The following EGFR variants were observed in gnomAD, a reference collection of about 807,000 sequenced individuals.
The protein encoded by EGFR is epidermal growth factor receptor, also known as avian erythroblastic leukemia viral (v-erb-b) oncogene homolog.
In EGFR, 58 loss-of-function variants were observed where a neutral mutation model predicts 143.0. The ratio of observed to expected loss-of-function variants is 0.41; its 90% CI spans 0.33 to 0.50. EGFR has a LOEUF of 0.50. Ranked by LOEUF, EGFR falls within the 20% of genes least tolerant of loss-of-function variation. EGFR has a pLI of 0.39. For synonymous variants in EGFR, 613 were observed against 594.4 expected (o/e 1.03, Z -0.45); for missense variants, 1,307 against 1,579.0 (o/e 0.83, Z 2.92).
intron 7 of EGFR, among the ~76,000 whole-genome samples, chr7:55,155,563 C>T (rs771011292): frequency 1.2e-4 from 18 of 152,192 alleles, no homozygotes; most frequent in Non-Finnish European, 1.9e-4. Flanking sequence ...CCTGCTGGGA[C>T]GCAAAACAGC....
At chr7:55,099,835 AAAAG>A (rs929466686) in intron 1 of EGFR, among the ~76,000 whole-genome samples, 3 of 152,204 alleles carry the variant, frequency 2.0e-5, no homozygotes, top group African/African-American at 7.2e-5. Flanking sequence ...TAAAAAAAAA[AAAAG>A]AAAGGGGCCC....
chr7:55,071,372 G>C (rs934766844), intron 1 of EGFR, among the ~76,000 whole-genome samples: 2 of 152,238 alleles, frequency 1.3e-5, no homozygotes, highest in African/African-American at 2.4e-5. Flanking sequence ...TTTGCCTTCT[G>C]TTATATAAAA....
chr7:55,104,790 C>A (rs1351096543), intron 1 of EGFR, among the ~76,000 whole-genome samples: 1 of 152,206 alleles, frequency 6.6e-6, no homozygotes, highest in Non-Finnish European at 1.5e-5. Flanking sequence ...ATTCATGTTA[C>A]TGCCCCACAT....
intron 1 of EGFR, among the ~76,000 whole-genome samples, chr7:55,076,737 A>G (rs17172434): frequency 0.09 from 13,679 of 152,194 alleles, 837 homozygotes; most frequent in South Asian, 0.16. Context: ...TTAGTAGAGC[A>G]CATGGTTCAT....
intron 1 of EGFR, among the ~76,000 whole-genome samples, chr7:55,111,150 G>A (rs556687371): frequency 2.6e-5 from 4 of 152,270 alleles, no homozygotes; most frequent in Non-Finnish European, 4.4e-5. Context: ...TTCGGGTATC[G>A]CGCGGTGTGT....
At chr7:55,184,775 G>A (rs1434953364) in intron 20 of EGFR, among the ~76,000 whole-genome samples, 2 of 152,206 alleles carry the variant, frequency 1.3e-5, no homozygotes, top group East Asian at 3.8e-4. Flanking sequence ...TCATTCCTCT[G>A]TATTTGAATA....
rs374501041 is a variant in EGFR, at chr7:55,202,557, G to A, written c.3203G>A (p.Arg1068Gln). 7 of 1,613,082 alleles carry A rather than the reference G, an allele frequency of 4.3e-6. No homozygotes were observed. The highest frequency in any genetic ancestry group is 1.7e-5 in the Admixed American group (1 of 59,962). ...CPIKEDSFLQ[R>Q]YSSDPTGALT... is the part of the protein sequence containing the mutation. ...ATCAAGGAAGACAGCTTCTTGCAGC[G>A]ATACAGCTCAGACCCCACAGGCGCC... Residue 1068 changes from arginine to glutamine, a missense_variant, in exon 27 of 28, where the codon CGA becomes CAA. Around this residue, in one of 7 missense-constraint regions of EGFR, gnomAD observed 313 missense variants for 312.3 expected, o/e 1.00. Coordinates refer to ENST00000275493, the MANE Select transcript of EGFR (RefSeq NM_005228.5).
Position 55,200,334 on chromosome 7 carries a change from A to T in EGFR, c.2867A>T (p.Asp956Val), listed in dbSNP as rs1185470008. ...IMVKCWMIDA[D>V]SRPKFRELII... ...TCCCCAGGCTGGATGATAGACGCAG[A>T]TAGTCGCCCAAAGTTCCGTGAGTTG... Residue 956 changes from aspartate to valine, a missense_variant, in exon 24 of 28, where the codon GAT becomes GTT. Physicochemically the swap from Asp to Val is radical, Grantham distance 152 (BLOSUM62 -3). Coordinates refer to ENST00000275493, the MANE Select transcript of EGFR (RefSeq NM_005228.5). The T allele has an allele frequency of 1.2e-6, 2 of 1,614,034 alleles. No homozygotes were observed. The highest frequency in any genetic ancestry group is 1.7e-6 in the Non-Finnish European group (2 of 1,180,026).
intron 4 of EGFR, 107 bp downstream of exon 4, chr7:55,146,847 A>T (rs1794793007): frequency 1.3e-6 from 2 of 1,488,110 alleles, no homozygotes; most frequent in Admixed American, 1.8e-5. Context: ...CATTAATCAG[A>T]AACAAAAAGT....
rs906218379 is a variant in EGFR at position 55,109,741 on chromosome 7, G to A, written c.89-32545G>A. The A allele has an allele frequency of 9.1e-6, 9 of 985,270 alleles. No individual in the cohort carries two copies. In the African/African-American group the frequency reaches 1.2e-4, roughly 13 times the overall value. The allele number at this position is 985,270 out of a possible 1,614,324, so 61.0% of individuals were successfully genotyped here. On this transcript the variant is annotated intron_variant, in intron 1 of 27. Coordinates refer to ENST00000275493, the MANE Select transcript of EGFR (RefSeq NM_005228.5). ...AAATTCTATCATTCCTTTGGGCCTA[G>A]GATTGCATTTATTTCCATGACAAAA...
At chr7:55,037,401 T>C (rs1273536404) in intron 1 of EGFR, among the ~76,000 whole-genome samples, 1 of 152,196 alleles carries the variant, frequency 6.6e-6, no homozygotes, top group African/African-American at 2.4e-5. Context: ...TTTGCGAGAA[T>C]TTAAGAGCTG....
Position 55,109,794 on chromosome 7 carries a change from A to G in EGFR, c.89-32492A>G, listed in dbSNP as rs533140393. 81 of 985,456 alleles carry G rather than the reference A, an allele frequency of 8.2e-5. No homozygotes were observed. The African/African-American group carries it at 1.4e-3, about 17-fold the overall frequency. The allele number at this position is 985,456 out of a possible 1,614,324, so 61.0% of individuals were successfully genotyped here. ...GCCTGTCTGGTGTTTCAGCAAATGA[A>G]AACAAAAATATAAAGCCCATCTCCT... On this transcript the variant is annotated intron_variant, in intron 1 of 27. Coordinates refer to ENST00000275493, the MANE Select transcript of EGFR (RefSeq NM_005228.5).
At chr7:55,194,372 G>T (rs1323234038) in intron 22 of EGFR, among the ~76,000 whole-genome samples, 2 of 151,750 alleles carry the variant, frequency 1.3e-5, no homozygotes, top group Non-Finnish European at 2.9e-5. Flanking sequence ...GATTACAGGC[G>T]CACACCACCA....
At chr7:55,035,523 C>CAA (rs796083510) in intron 1 of EGFR, among the ~76,000 whole-genome samples, 5 of 128,958 alleles carry the variant, frequency 3.9e-5, no homozygotes, top group African/African-American at 6.1e-5. Context: ...AAAAAAAAAA[C>CAA]AAAAAAAAAA....
intron 1 of EGFR, among the ~76,000 whole-genome samples, chr7:55,120,143 C>T (rs539502363): frequency 9.8e-5 from 15 of 152,292 alleles, no homozygotes; most frequent in South Asian, 2.1e-4. Context: ...TCTGTTGCAT[C>T]GCTGTGTCTC....
chr7:55,063,795 C>T (rs17289134), intron 1 of EGFR, among the ~76,000 whole-genome samples: 2,369 of 152,252 alleles, frequency 0.016, 65 homozygotes, highest in African/African-American at 0.053. Flanking sequence ...AAAGGAAGAC[C>T]ATCAGTGCGC....
intron 1 of EGFR, among the ~76,000 whole-genome samples, chr7:55,089,246 G>C (rs1480760238): frequency 6.6e-6 from 1 of 152,084 alleles, no homozygotes; most frequent in Non-Finnish European, 1.5e-5. Context: ...CTCATCTTCT[G>C]TGAGGCTGTC....
chr7:55,102,503 T>C (rs1791888547), intron 1 of EGFR, among the ~76,000 whole-genome samples: 1 of 152,224 alleles, frequency 6.6e-6, no homozygotes, highest in Non-Finnish European at 1.5e-5. Flanking sequence ...GACTTGGACA[T>C]GCACACTGAA....
intron 1 of EGFR, among the ~76,000 whole-genome samples, chr7:55,048,372 A>C (rs1183261912): frequency 2.6e-5 from 4 of 152,210 alleles, no homozygotes; most frequent in Admixed American, 6.5e-5. Flanking sequence ...AGGTTGGCGA[A>C]GTTTAGGTAA....
Sources: gnomAD v4.1 joint callset for allele counts (sites outside exome capture counted in the v4.1 genomes callset) on GRCh38, gnomAD v4.1.1 for gene constraint, gnomAD v4.1.1 regional missense constraint, MANE v1.5 for transcripts, NCBI Gene and HGNC (gene_info 2026-07-23, HGNC 2026-07-21) for gene names.